LRP1B: variants seen among roughly 807,000 people sequenced by gnomAD.
LRP1B encodes the protein low-density lipoprotein receptor-related protein 1B.
In LRP1B, 217 loss-of-function variants were observed where a neutral mutation model predicts 556.6. The observed-to-expected ratio is 0.39, with a 90% CI of 0.35 to 0.44. The LOEUF (loss-of-function observed/expected upper bound fraction) is 0.44, where lower values mean the gene tolerates loss of function less well. LRP1B is among the 20% of genes least tolerant of loss of function. LRP1B has a pLI of 1.00. For synonymous variants in LRP1B, 2,047 were observed against 1,865.8 expected, an observed-to-expected ratio of 1.10 and a Z score of -2.50; for missense variants, 5,053 against 5,620.8, an observed-to-expected ratio of 0.90 and a Z score of 3.23.
chr2:141,635,178 G>A (rs1255780147), intron 2 of LRP1B, among the ~76,000 whole-genome samples: 6 of 151,818 alleles, frequency 4.0e-5, no homozygotes, highest in South Asian at 4.2e-4. Context: ...AGGATTATAC[G>A]TACAGAATGA....
chr2:140,725,333 T>C (rs752045517), intron 35 of LRP1B, among the ~76,000 whole-genome samples: 5 of 152,054 alleles, frequency 3.3e-5, no homozygotes, highest in Non-Finnish European at 7.4e-5. Context: ...CCAGACCTTT[T>C]TTTTTCATTC....
intron 2 of LRP1B, among the ~76,000 whole-genome samples, chr2:141,548,180 GATAGA>G (rs1685619657): frequency 6.6e-6 from 1 of 152,132 alleles, no homozygotes; most frequent in African/African-American, 2.4e-5. Flanking sequence ...CTATACAACA[GATAGA>G]ATAAATAATA....
chr2:140,444,527 G>C (rs757894001), intron 64 of LRP1B, 36 bp downstream of exon 64: 23 of 1,611,190 alleles, frequency 1.4e-5, no homozygotes, highest in Admixed American at 1.7e-5. Flanking sequence ...TTGAAAATTA[G>C]ACTTATGTTC....
At chr2:140,479,384 A>T (rs2105353632) in intron 59 of LRP1B, among the ~76,000 whole-genome samples, 1 of 152,294 alleles carries the variant, frequency 6.6e-6, no homozygotes, top group Non-Finnish European at 1.5e-5. Flanking sequence ...TCTAAATTGC[A>T]CCCAGATAAT....
intron 1 of LRP1B, among the ~76,000 whole-genome samples, chr2:142,075,013 G>A (rs769916913): frequency 6.6e-6 from 1 of 151,966 alleles, no homozygotes; most frequent in Non-Finnish European, 1.5e-5. Context: ...AAATAACATA[G>A]CTCTTTCACC....
chr2:140,776,056 T>C (rs774330584), intron 33 of LRP1B, 42 bp downstream of exon 33: 2 of 1,447,732 alleles, frequency 1.4e-6, no homozygotes, highest in Admixed American at 2.5e-5. Context: ...AAGAGCACAT[T>C]ACGTATTCAA....
intron 32 of LRP1B, among the ~76,000 whole-genome samples, chr2:140,804,649 ATTTTTTT>A (rs869167644): frequency 1.9e-4 from 11 of 57,940 alleles, no homozygotes; most frequent in Admixed American, 9.3e-4. Flanking sequence ...GTAAAAACTA[ATTTTTTT>A]TTTTTTTTTT....
intron 43 of LRP1B, among the ~76,000 whole-genome samples, chr2:140,574,554 G>C (rs1681445885): frequency 6.6e-6 from 1 of 152,148 alleles, no homozygotes. Context: ...CAGCTCTCTT[G>C]TACTAGACAG....
intron 10 of LRP1B, 50 bp downstream of exon 10, chr2:141,055,066 C>G (rs372893819): frequency 1.3e-6 from 2 of 1,594,196 alleles, no homozygotes; most frequent in Non-Finnish European, 1.7e-6. Context: ...TACTTAAAAT[C>G]CTATTCTAAA....
At chr2:141,795,880 A>AGC (rs2105673575) in intron 2 of LRP1B, among the ~76,000 whole-genome samples, 1 of 72,800 alleles carries the variant, frequency 1.4e-5, no homozygotes, top group Admixed American at 1.3e-4. Context: ...ATATATATAT[A>AGC]TATATATATA....
In LRP1B at chr2:141,263,749, TC is replaced by T. The variant is rs1684786197; in HGVS notation, c.344-9109del. 3.9e-5 allele frequency among the ~76,000 whole-genome samples: 6 copies of T among 152,222 alleles called. No individual in the cohort carries two copies. The South Asian group carries it at 1.2e-3, about 32-fold the overall frequency. On this transcript the variant is annotated intron_variant, in intron 3 of 90. Coordinates refer to ENST00000389484, the MANE Select transcript of LRP1B (RefSeq NM_018557.3). ...CTTATGAATATAGATGTGAAATTCT[TC>T]AAAATTACTAACCACTAAAATCCAG...
At chr2:140,297,755 C>T (rs2105000109) in intron 84 of LRP1B, 53 bp downstream of exon 84, 1 of 1,523,054 alleles carries the variant, frequency 6.6e-7, no homozygotes, top group Non-Finnish European at 8.9e-7. Context: ...TACAGGAAAT[C>T]AGAAGATTAA....
chr2:141,031,408 C>G (rs1043384936), intron 11 of LRP1B, among the ~76,000 whole-genome samples: 5 of 151,694 alleles, frequency 3.3e-5, no homozygotes, highest in African/African-American at 4.8e-5. Context: ...TCTACCTAAT[C>G]TTTAAACTTT....
rs751149662 is a variant in LRP1B at position 140,501,824 on chromosome 2, G to A, written c.8713C>T (p.Pro2905Ser). The A allele has an allele frequency of 5.0e-6, 8 of 1,610,730 alleles. No homozygotes were observed. Among genetic ancestry groups the A allele is most frequent in the Non-Finnish European group, 6.8e-6 (8 of 1,178,158 alleles). Residue 2905 changes from proline to serine, a missense_variant, in exon 55 of 91, where the codon CCC (proline) becomes TCC (serine). Pro to Ser is a moderately conservative substitution (Grantham distance 74). Around this residue, in one of 5 missense-constraint regions of LRP1B, gnomAD observed 3,619 missense variants for 3,931.9 expected, o/e 0.92. Coordinates refer to ENST00000389484, the MANE Select transcript of LRP1B (RefSeq NM_018557.3). The stretch of plus-strand genomic sequence containing the variant: ...TTATTGTCGCAAAGACCTCCACTGG[G>A]AATGCACCTGCCATTTTTGCACATA... ...FFMCKNGRCI[P>S]SGGLCDNKDD...
chr2:140,705,133 C>G (rs1686783303), intron 37 of LRP1B, among the ~76,000 whole-genome samples: 1 of 151,944 alleles, frequency 6.6e-6, no homozygotes, highest in African/African-American at 2.4e-5. Context: ...ACTGTCTCAC[C>G]AAATAGAAAG....
chr2:141,864,387 CACA>C (rs1250410204), intron 1 of LRP1B, among the ~76,000 whole-genome samples: 1 of 152,074 alleles, frequency 6.6e-6, no homozygotes, highest in Non-Finnish European at 1.5e-5. Flanking sequence ...TCATCATTAT[CACA>C]ACACCAATAT....
chr2:140,422,615 C>A (rs1685492105), intron 66 of LRP1B, among the ~76,000 whole-genome samples: 1 of 151,944 alleles, frequency 6.6e-6, no homozygotes, highest in African/African-American at 2.4e-5. Context: ...AGTCCTTAAA[C>A]AAAGGATTTT....
chr2:141,371,398 T>A (rs1204398455), intron 3 of LRP1B, among the ~76,000 whole-genome samples: 1 of 152,174 alleles, frequency 6.6e-6, no homozygotes, highest in East Asian at 1.9e-4. Context: ...TTGTTTTTTC[T>A]AAATCTGTGA....
intron 37 of LRP1B, among the ~76,000 whole-genome samples, chr2:140,708,443 T>C (rs1369330313): frequency 1.3e-5 from 2 of 151,688 alleles, no homozygotes. Flanking sequence ...AATTATTATG[T>C]GTATGAAGAG....
Sources: allele counts gnomAD v4.1 joint callset (sites outside exome capture counted in the v4.1 genomes callset), GRCh38; gene constraint gnomAD v4.1.1; regional missense constraint gnomAD v4.1.1; transcripts MANE v1.5; gene names NCBI Gene and HGNC (gene_info 2026-07-23, HGNC 2026-07-21).